The following CHL1 variants were observed in gnomAD, a reference collection of about 807,000 sequenced individuals.
The protein encoded by CHL1 is neural cell adhesion molecule L1-like protein.
A neutral mutation model predicts 141.9 loss-of-function variants in CHL1; 96 were observed. The ratio of observed to expected loss-of-function variants is 0.68; its 90% confidence interval spans 0.57 to 0.80. The LOEUF (loss-of-function observed/expected upper bound fraction) is 0.80, where lower values mean the gene tolerates loss of function less well. CHL1 is among the 30% of genes least tolerant of loss of function. The pLI, the probability that CHL1 is intolerant of heterozygous loss-of-function variation, is 0.00. For synonymous variants in CHL1, 613 were observed against 502.2 expected (o/e 1.22, Z -2.95); for missense variants, 1,820 against 1,457.2 (o/e 1.25, Z -4.05).
At chr3:252,063 G>A (rs1277602107) in intron 2 of CHL1, among the ~76,000 whole-genome samples, 1 of 151,872 alleles carries the variant, frequency 6.6e-6, no homozygotes, top group East Asian at 1.9e-4. Context: ...CAAACTTAGA[G>A]ACCACCAGAA....
chr3:392,268 A>T (rs1449379459), intron 23 of CHL1, among the ~76,000 whole-genome samples: 1 of 152,220 alleles, frequency 6.6e-6, no homozygotes, highest in Non-Finnish European at 1.5e-5. Context: ...GGAGATTCAA[A>T]GCATAGGTAC....
chr3:270,830 G>C (rs1300134396), intron 2 of CHL1, among the ~76,000 whole-genome samples: 1 of 152,206 alleles, frequency 6.6e-6, no homozygotes, highest in Non-Finnish European at 1.5e-5. Context: ...TGCCAACTGG[G>C]AGCTCAGCTG....
chr3:302,763 C>G (rs1250727217), intron 2 of CHL1, among the ~76,000 whole-genome samples: 1 of 152,172 alleles, frequency 6.6e-6, no homozygotes, highest in Non-Finnish European at 1.5e-5. Flanking sequence ...TCCCATTTGT[C>G]AGTGTTGGCT....
chr3:244,953 C>T (rs1693020108), intron 2 of CHL1, among the ~76,000 whole-genome samples: 1 of 151,990 alleles, frequency 6.6e-6, no homozygotes, highest in Non-Finnish European at 1.5e-5. Context: ...GTTGGCTGAC[C>T]TGTTGGCATA....
rs376866255 is a variant in CHL1 at position 250,549 on chromosome 3, G to A, written c.-95+5857G>A. ...TCCAGTGATAGTGGTTGTCCTCCTG[G>A]TACAGCAGTGGGAACGGGGAAGACC... is the stretch of plus-strand genomic sequence containing the variant. On this transcript the variant is annotated intron_variant, in intron 2 of 27. Transcript: ENST00000256509. 5.3e-5 allele frequency among the ~76,000 whole-genome samples: 8 copies of A among 152,042 alleles called. No homozygotes were observed. In the East Asian group the frequency reaches 1.2e-3, roughly 22 times the overall value.
At chr3:235,473 G>A (rs550858550) in intron 1 of CHL1, among the ~76,000 whole-genome samples, 1 of 152,098 alleles carries the variant, frequency 6.6e-6, no homozygotes, top group South Asian at 2.1e-4. Context: ...AGTTAGCCCT[G>A]TATAAATGTA....
chr3:377,200 A>G (rs1011163613), intron 15 of CHL1, among the ~76,000 whole-genome samples: 2 of 152,210 alleles, frequency 1.3e-5, no homozygotes, highest in Non-Finnish European at 2.9e-5. Flanking sequence ...ATTGGTAAAA[A>G]CAAATGATAA....
At position 405,649 on chromosome 3, in the gene CHL1, A is replaced by C; in HGVS notation, c.3613A>C (p.Lys1205Gln). 1.2e-6 allele frequency: 2 copies of C among 1,613,574 alleles called. No individual in the cohort carries two copies. The highest frequency in any genetic ancestry group is 4.5e-5 in the East Asian group (2 of 44,866). Residue 1205 changes from lysine to glutamine, a missense_variant, in exon 28 of 28, where the codon AAG becomes CAG. Coordinates refer to ENST00000256509, the MANE Select transcript of CHL1 (RefSeq NM_006614.4). ...ATTTATTGGTGCCTACGCTGGATCT[A>C]AGGAGAAGGGATCTGTTGAAAGCAA... ...GSFIGAYAGSKEKGSVESNGS... is the reference protein window; with the variant it reads ...GSFIGAYAGSQEKGSVESNGS...
chr3:230,388 T>C (rs1247478438), intron 1 of CHL1, among the ~76,000 whole-genome samples: 3 of 152,192 alleles, frequency 2.0e-5, no homozygotes, highest in Non-Finnish European at 4.4e-5. Flanking sequence ...CACACATTCA[T>C]AACAAACCAC....
intron 1 of CHL1, among the ~76,000 whole-genome samples, chr3:236,290 G>C (rs1281662082): frequency 1.3e-5 from 2 of 152,156 alleles, no homozygotes; most frequent in Non-Finnish European, 2.9e-5. Flanking sequence ...ATTCACTCAA[G>C]AAAATATTTA....
At chr3:360,697 G>C (rs1448568929) in intron 12 of CHL1, among the ~76,000 whole-genome samples, 2 of 147,314 alleles carry the variant, frequency 1.4e-5, no homozygotes, top group Non-Finnish European at 3.0e-5. Context: ...CCACTAACTC[G>C]TCATCTAGCA....
rs898774424 is a variant in CHL1, at chr3:407,525, A to G, written c.*1814A>G. On this transcript the variant is annotated 3_prime_UTR_variant, in exon 28 of 28. Transcript: ENST00000256509. ...GTCCCTACCCTGTGTGAATGTGAGG[A>G]TGTAGACATCCATCAGTGCAACTCG... 2 of 152,084 alleles carry G rather than the reference A, an allele frequency of 1.3e-5. No homozygotes were observed. Among genetic ancestry groups the G allele is most frequent in the African/African-American group, 4.8e-5 (2 of 41,408 alleles). 9.4% of individuals were successfully genotyped at this position (152,084 alleles called of 1,614,324 possible). A position where few individuals can be genotyped will look rare whatever the true frequency, so the allele number is the denominator to read the frequency against.
intron 2 of CHL1, among the ~76,000 whole-genome samples, chr3:283,081 G>GTATTCACTAT (rs1696809563): frequency 6.6e-6 from 1 of 152,084 alleles, no homozygotes; most frequent in African/African-American, 2.4e-5. Flanking sequence ...TTCACATAGT[G>GTATTCACTAT]AATACATCTC....
intron 5 of CHL1, among the ~76,000 whole-genome samples, chr3:338,355 A>G (rs1210449922): frequency 1.3e-5 from 2 of 152,226 alleles, no homozygotes; most frequent in African/African-American, 4.8e-5. Flanking sequence ...TTTTAAAAAT[A>G]TTACTGTTGT....
intron 1 of CHL1, among the ~76,000 whole-genome samples, chr3:201,789 G>A (rs1303068666): frequency 6.6e-6 from 1 of 152,078 alleles, no homozygotes; most frequent in Non-Finnish European, 1.5e-5. Context: ...TCTAATGTTT[G>A]TTTGCATCTT....
chr3:387,337 G>A (rs1285084559), intron 19 of CHL1, among the ~76,000 whole-genome samples: 1 of 152,144 alleles, frequency 6.6e-6, no homozygotes, highest in East Asian at 1.9e-4. Context: ...GGGAAGGGAA[G>A]GCTGGTGGCC....
chr3:221,461 T>C (rs1269692461), intron 1 of CHL1, among the ~76,000 whole-genome samples: 3 of 152,218 alleles, frequency 2.0e-5, no homozygotes, highest in East Asian at 1.9e-4. Context: ...AGTGTTTATG[T>C]GTAGCAGACC....
rs1702606438 is a variant in CHL1 at position 344,602 on chromosome 3, G to A, written c.741G>A (p.Lys247=). 4 of 1,609,980 alleles carry A rather than the reference G, an allele frequency of 2.5e-6. No individual in the cohort carries two copies. Among genetic ancestry groups the A allele is most frequent in the East Asian group, 2.2e-5 (1 of 44,754 alleles). ...TEIGSKANSI[K]QRKPKLLLPP... is the part of the protein sequence containing the mutation. ...TCTATTTTGTAGCAAATTCCATCAA[G>A]CAAAGAAAACCCAAACTGCTGTTGC... The change falls in exon 9 of 28, where the codon AAG becomes AAA. Residue 247 remains lysine, a synonymous_variant. Transcript: ENST00000256509.
At chr3:376,828 T>A (rs1706385406) in intron 15 of CHL1, among the ~76,000 whole-genome samples, 2 of 152,218 alleles carry the variant, frequency 1.3e-5, no homozygotes, top group African/African-American at 2.4e-5. Flanking sequence ...GATTCTTGAT[T>A]AACAATTCAA....
Sources: gnomAD v4.1 joint callset for allele counts (sites outside exome capture counted in the v4.1 genomes callset) on GRCh38, gnomAD v4.1.1 for gene constraint, MANE v1.5 for transcripts, NCBI Gene and HGNC (gene_info 2026-07-23, HGNC 2026-07-21) for gene names.